The following PTPRJ variants were observed in gnomAD, a reference collection of about 807,000 sequenced individuals.
The protein encoded by PTPRJ is receptor-type tyrosine-protein phosphatase eta.
Under a neutral mutation model 141.3 loss-of-function variants are expected in PTPRJ, and 129 were observed. The observed-to-expected ratio is 0.91, with a 90% CI of 0.79 to 1.06. The LOEUF (loss-of-function observed/expected upper bound fraction) is 1.06. Among genes scored for constraint, PTPRJ ranks in the 50% least tolerant of loss-of-function variants. PTPRJ has a pLI of 0.00. For synonymous variants in PTPRJ, 610 were observed against 640.5 expected (o/e 0.95, Z 0.72); for missense variants, 1,601 against 1,679.7 (o/e 0.95, Z 0.82).
chr11:48,144,244 A>T (rs1055920897), intron 12 of PTPRJ, among the ~76,000 whole-genome samples: 1 of 152,140 alleles, frequency 6.6e-6, no homozygotes, highest in Non-Finnish European at 1.5e-5. Context: ...TCCAGCTCTT[A>T]GTCATTTTGC....
intron 11 of PTPRJ, among the ~76,000 whole-genome samples, chr11:48,142,331 TTTGA>T (rs920218706): frequency 6.6e-6 from 1 of 152,216 alleles, no homozygotes; most frequent in African/African-American, 2.4e-5. Flanking sequence ...ATTCCTGGTC[TTTGA>T]TTGTTCCATG....
chr11:48,095,766 A>G (rs1283509104), intron 1 of PTPRJ, among the ~76,000 whole-genome samples: 1 of 152,082 alleles, frequency 6.6e-6, no homozygotes, highest in Non-Finnish European at 1.5e-5. Flanking sequence ...TTTTTAGTAG[A>G]GACAGGGTTT....
chr11:48,064,235 C>T (rs564185106), intron 1 of PTPRJ, among the ~76,000 whole-genome samples: 5 of 152,116 alleles, frequency 3.3e-5, no homozygotes, highest in Admixed American at 1.3e-4. Context: ...CCTGTTTCTT[C>T]TTCATGTATA....
chr11:48,160,082 G>A (rs1283904703), intron 22 of PTPRJ, 33 bp downstream of exon 22: 1 of 1,607,688 alleles, frequency 6.2e-7, no homozygotes, highest in Non-Finnish European at 8.5e-7. Context: ...TTGAGCTCAT[G>A]TAATTACCAT....
rs775359885 is a variant in PTPRJ, at chr11:48,112,930, A to G, written c.299A>G (p.Glu100Gly). 6.2e-7 allele frequency: 1 copy of G among 1,614,240 alleles called. No homozygotes were observed. Among genetic ancestry groups the G allele is most frequent in the East Asian group, 2.2e-5 (1 of 44,884 alleles). Reference protein sequence around the residue: ...SGANDSLRTPEQGSNGTDGAS... With the variant: ...SGANDSLRTPGQGSNGTDGAS... ...GCCAACGATAGTTTAAGAACACCTG[A>G]ACAAGGATCTAATGGGACTGATGGG... Residue 100 changes from glutamate to glycine, a missense_variant, in exon 3 of 25, where the codon GAA becomes GGA. Transcript: ENST00000418331.
At chr11:48,100,329 C>T (rs928912286) in intron 1 of PTPRJ, among the ~76,000 whole-genome samples, 3 of 152,116 alleles carry the variant, frequency 2.0e-5, no homozygotes, top group Non-Finnish European at 4.4e-5. Flanking sequence ...AGGCAGCTCA[C>T]CTCTCCCGTG....
In PTPRJ at chr11:48,148,440, AT is replaced by A. The variant is rs879923314; in HGVS notation, c.3000-993del. Among the ~76,000 whole-genome samples the A allele has an allele frequency of 4.6e-3, 654 of 143,690 alleles. 1 individual carries two copies. Among genetic ancestry groups the A allele is most frequent in the African/African-American group, 8.9e-3 (352 of 39,494 alleles). The allele number at this position is 143,690 out of a possible 152,430, so 94.3% of individuals were successfully genotyped here. ...TTGTTGGCAGCTTCATTTCATCACA[AT>A]TTTTTTTTTTTTTGAGACAGAGTTT... On this transcript the variant is annotated intron_variant, in intron 15 of 24. Coordinates refer to ENST00000418331, the MANE Select transcript of PTPRJ (RefSeq NM_002843.4).
At chr11:47,991,081 T>A (rs1444402849) in intron 1 of PTPRJ, among the ~76,000 whole-genome samples, 1 of 152,098 alleles carries the variant, frequency 6.6e-6, no homozygotes, top group African/African-American at 2.4e-5. Flanking sequence ...GTATTATATA[T>A]ACACACACAG....
At chr11:48,070,895 G>A (rs1855228904) in intron 1 of PTPRJ, among the ~76,000 whole-genome samples, 1 of 152,132 alleles carries the variant, frequency 6.6e-6, no homozygotes, top group Non-Finnish European at 1.5e-5. Context: ...ATTGTTTGGA[G>A]GACAGAACTA....
intron 1 of PTPRJ, among the ~76,000 whole-genome samples, chr11:48,033,492 G>C (rs1384424100): frequency 6.6e-6 from 1 of 152,158 alleles, no homozygotes; most frequent in Non-Finnish European, 1.5e-5. Context: ...CATGTGTCCA[G>C]GCTCAGCGGA....
chr11:48,079,073 T>C lies in PTPRJ; in HGVS notation c.97-30985T>C, dbSNP rs139065990. ...GTTTAGAGCAGGGGTGTCCAATCTT[T>C]TGGTTTCCCTGGGCCACACTGGAAG... is the stretch of plus-strand genomic sequence containing the variant. On this transcript the variant is annotated intron_variant, in intron 1 of 24. Transcript: ENST00000418331. Among the ~76,000 whole-genome samples, 16 of 152,140 alleles carry C rather than the reference T, an allele frequency of 1.1e-4. No individual in the cohort carries two copies. The East Asian group carries it at 2.7e-3, about 26-fold the overall frequency.
chr11:48,072,247 G>A (rs1288417984), intron 1 of PTPRJ, among the ~76,000 whole-genome samples: 2 of 152,164 alleles, frequency 1.3e-5, no homozygotes, highest in Non-Finnish European at 2.9e-5. Flanking sequence ...CTGGTTCACA[G>A]TTCTGGAGGC....
In PTPRJ at chr11:48,144,683, C is replaced by T; in HGVS notation, c.2584C>T (p.Pro862Ser). The T allele has an allele frequency of 6.2e-7, 1 of 1,613,588 alleles. No individual in the cohort carries two copies. The highest frequency in any genetic ancestry group is 1.1e-5 in the South Asian group (1 of 91,044). The change falls in exon 13 of 25, where the codon CCT (proline) becomes TCT (serine). Residue 862 changes from proline (P) to serine (S), a missense_variant. By Grantham distance (74) the Pro-to-Ser change is moderately conservative. Transcript: ENST00000418331. ...VILTTGEAGH[P>S]SADVLKYTYE... ...CTGTGTACCTTTCTTAGCTGGTCAC[C>T]CTTCTGCAGATGTCCTGAAATACAC...
intron 1 of PTPRJ, among the ~76,000 whole-genome samples, chr11:47,996,572 T>C (rs1406753353): frequency 6.6e-6 from 1 of 152,170 alleles, no homozygotes; most frequent in African/African-American, 2.4e-5. Context: ...AGGGAAGGCA[T>C]GTAAGGCACT....
At chr11:48,126,837 C>T (rs1457206590) in intron 6 of PTPRJ, among the ~76,000 whole-genome samples, 2 of 150,010 alleles carry the variant, frequency 1.3e-5, no homozygotes, top group African/African-American at 5.0e-5. Context: ...CACACATTTC[C>T]ACCCACCCCA....
intron 1 of PTPRJ, among the ~76,000 whole-genome samples, chr11:48,044,557 G>A (rs1854344373): frequency 6.6e-6 from 1 of 152,152 alleles, no homozygotes; most frequent in Non-Finnish European, 1.5e-5. Context: ...CTGGGTTTTG[G>A]GTTTCACAAG....
In PTPRJ at chr11:48,110,094, C is replaced by G; in HGVS notation, c.115+18C>G. On this transcript the variant is annotated intron_variant, in intron 2 of 24. Transcript: ENST00000418331. ...AGGTGGCAGTGAGTACCCTTTTCCT[C>G]TCTATTCTTGTGTTGTTCGCTACTG... The G allele has an allele frequency of 6.2e-7, 1 of 1,612,092 alleles. No homozygotes were observed.
rs1458804236 is a variant in PTPRJ, at chr11:48,169,432, C to T, written c.*2070C>T. The T allele has an allele frequency of 6.6e-6, 1 of 152,170 alleles. No individual in the cohort carries two copies. The highest frequency in any genetic ancestry group is 1.5e-5 in the Non-Finnish European group (1 of 68,066). The allele number at this position is 152,170 out of a possible 1,614,324, so 9.4% of individuals were successfully genotyped here. On this transcript the variant is annotated 3_prime_UTR_variant, in exon 25 of 25. Transcript: ENST00000418331. ...TGAATCAGGGAAGCCACATTGTCCT[C>T]AGGGTGCTGTATGAAGCTGGGTGTG...
intron 1 of PTPRJ, among the ~76,000 whole-genome samples, chr11:48,007,717 G>A (rs922075600): frequency 3.3e-5 from 5 of 152,206 alleles, no homozygotes; most frequent in African/African-American, 7.2e-5. Flanking sequence ...TCTTCTGTGC[G>A]TTCCTGCTGT....
Sources: allele counts gnomAD v4.1 joint callset (sites outside exome capture counted in the v4.1 genomes callset), GRCh38; gene constraint gnomAD v4.1.1; transcripts MANE v1.5; gene names NCBI Gene and HGNC (gene_info 2026-07-23, HGNC 2026-07-21).